NPFFR2: variants seen among roughly 807,000 people sequenced by gnomAD.
NPFFR2 encodes neuropeptide FF receptor 2.
Under a neutral mutation model 13.1 loss-of-function variants are expected in NPFFR2, and 15 were observed. The observed-to-expected ratio is 1.15, with a 90% confidence interval of 0.77 to 1.76. The LOEUF is 1.76. Ranked by LOEUF, NPFFR2 falls within the 40% of genes most tolerant of loss-of-function variation. The pLI, the probability that NPFFR2 is intolerant of heterozygous loss-of-function variation, is 0.00. For missense variants in NPFFR2, 572 were observed against 503.5 expected, an observed-to-expected ratio of 1.14 and a Z score of -1.30; for synonymous variants, 190 against 175.7, an observed-to-expected ratio of 1.08 and a Z score of -0.65.
intron 1 of NPFFR2, among the ~76,000 whole-genome samples, chr4:72,100,269 T>C (rs994667222): frequency 6.6e-5 from 10 of 152,010 alleles, no homozygotes; most frequent in Non-Finnish European, 1.3e-4. Flanking sequence ...AACTCAAGAA[T>C]TGTAAAAAAA....
chr4:72,075,970 CACACAT>C (rs1200632526), intron 1 of NPFFR2, among the ~76,000 whole-genome samples: 3 of 12,836 alleles, frequency 2.3e-4, no homozygotes, highest in South Asian at 8.3e-3. Flanking sequence ...CACACACACA[CACACAT>C]ACACACACAC....
At chr4:72,040,758 A>G (rs1719190622) in intron 1 of NPFFR2, among the ~76,000 whole-genome samples, 1 of 152,056 alleles carries the variant, frequency 6.6e-6, no homozygotes, top group South Asian at 2.1e-4. Flanking sequence ...TGGGGAGATG[A>G]CCTATAAAGT....
At chr4:72,076,013 AGAGAGAGG>A (rs1441525072) in intron 1 of NPFFR2, among the ~76,000 whole-genome samples, 14 of 8,114 alleles carry the variant, frequency 1.7e-3, no homozygotes, top group African/African-American at 3.8e-3. Context: ...ACACAGAGAG[AGAGAGAGG>A]GCAGACAGCA....
intron 1 of NPFFR2, among the ~76,000 whole-genome samples, chr4:72,066,442 A>G (rs1046947875): frequency 3.3e-5 from 5 of 152,162 alleles, no homozygotes; most frequent in Admixed American, 1.3e-4. Flanking sequence ...CCCCTAAAGT[A>G]TTAACTATTT....
chr4:72,109,560 T>G (rs760238559), intron 1 of NPFFR2, among the ~76,000 whole-genome samples: 1 of 152,002 alleles, frequency 6.6e-6, no homozygotes, highest in Non-Finnish European at 1.5e-5. Flanking sequence ...CAGTGCCTGC[T>G]CACTTCAAGA....
chr4:72,144,388 A>G (rs1293633280), intron 3 of NPFFR2, among the ~76,000 whole-genome samples: 2 of 152,218 alleles, frequency 1.3e-5, no homozygotes, highest in African/African-American at 4.8e-5. Flanking sequence ...TGAGTCATCA[A>G]TCCTTAGCCA....
chr4:72,122,065 G>A (rs6446817), intron 1 of NPFFR2, among the ~76,000 whole-genome samples: 146,559 of 152,020 alleles, frequency 0.96, 70,877 homozygotes, highest in East Asian at 1. Context: ...ATATTTACCA[G>A]GCAAATGAAA....
At chr4:72,067,113 T>C (rs976551029) in intron 1 of NPFFR2, among the ~76,000 whole-genome samples, 8 of 151,824 alleles carry the variant, frequency 5.3e-5, no homozygotes, top group Non-Finnish European at 1.2e-4. Flanking sequence ...GGAGGTGAAA[T>C]CATGCCACCA....
At chr4:72,066,066 T>C (rs917876283) in intron 1 of NPFFR2, among the ~76,000 whole-genome samples, 8 of 152,236 alleles carry the variant, frequency 5.3e-5, no homozygotes, top group Admixed American at 2.6e-4. Flanking sequence ...AAATTTGTTT[T>C]CCCATAGTTC....
intron 1 of NPFFR2, among the ~76,000 whole-genome samples, chr4:72,100,807 T>C (rs1332907807): frequency 6.6e-6 from 1 of 151,986 alleles, no homozygotes; most frequent in East Asian, 1.9e-4. Flanking sequence ...GAGCAGAGAA[T>C]TAAAATGATG....
chr4:72,106,369 T>C (rs1468105156), intron 1 of NPFFR2, among the ~76,000 whole-genome samples: 1 of 151,956 alleles, frequency 6.6e-6, no homozygotes, highest in Non-Finnish European at 1.5e-5. Context: ...GCGACACATG[T>C]GAGTGAGAGT....
intron 1 of NPFFR2, among the ~76,000 whole-genome samples, chr4:72,094,830 G>A (rs1472056733): frequency 1.3e-5 from 2 of 152,198 alleles, no homozygotes; most frequent in Non-Finnish European, 2.9e-5. Context: ...GTCTGTGGAA[G>A]TTCTCAGCTT....
At position 72,128,647 on chromosome 4, in the gene NPFFR2, T is replaced by C; in HGVS notation, c.56T>C (p.Val19Ala). ...GAAAACTGGCATCCCATCTGGAATG[T>C]CAATGACACAAAGCATCATCTGTAC... ...SSENWHPIWNVNDTKHHLYSD... is the reference protein window; with the variant it reads ...SSENWHPIWNANDTKHHLYSD... Residue 19 changes from valine to alanine, a missense_variant, in exon 2 of 4, where the codon GTC becomes GCC. Transcript: ENST00000308744. The C allele has an allele frequency of 6.2e-7, 1 of 1,613,564 alleles. No individual in the cohort carries two copies.
intron 3 of NPFFR2, among the ~76,000 whole-genome samples, chr4:72,142,212 A>G (rs1343977532): frequency 6.6e-6 from 1 of 152,074 alleles, no homozygotes; most frequent in African/African-American, 2.4e-5. Flanking sequence ...ACTCTATCCA[A>G]TTTGCCAGTC....
At chr4:72,079,988 T>C (rs1156737562) in intron 1 of NPFFR2, among the ~76,000 whole-genome samples, 1 of 152,126 alleles carries the variant, frequency 6.6e-6, no homozygotes, top group African/African-American at 2.4e-5. Flanking sequence ...GCTCCTTGGA[T>C]ATGTAATGGA....
At position 72,076,163 on chromosome 4, in the gene NPFFR2, G is replaced by A. The variant is rs938403251; in HGVS notation, c.-8+43963G>A. ...AAATGTCAAATCTAGAAAAATAATT[G>A]ATGCTATGTTATGGAGTTTTTTTTT... is the stretch of plus-strand genomic sequence containing the variant. On this transcript the variant is annotated intron_variant, in intron 1 of 3. Coordinates refer to ENST00000308744, the MANE Select transcript of NPFFR2 (RefSeq NM_004885.3). Among the ~76,000 whole-genome samples, 47 of 124,924 alleles carry A rather than the reference G, an allele frequency of 3.8e-4. 1 individual carries two copies. Among genetic ancestry groups the A allele is most frequent in the African/African-American group, 1.2e-3 (42 of 35,160 alleles). 82.0% of individuals were successfully genotyped at this position (124,924 alleles called of 152,430 possible).
intron 1 of NPFFR2, among the ~76,000 whole-genome samples, chr4:72,096,275 G>A (rs1423082208): frequency 7.9e-5 from 12 of 152,230 alleles, no homozygotes; most frequent in Admixed American, 7.2e-4. Context: ...TGAACCTAAA[G>A]CTGAATATCA....
intron 1 of NPFFR2, among the ~76,000 whole-genome samples, chr4:72,109,344 G>C (rs1299896838): frequency 6.6e-6 from 1 of 151,942 alleles, no homozygotes; most frequent in African/African-American, 2.4e-5. Flanking sequence ...CTGCTTCTAA[G>C]AGTTTCTCAT....
intron 1 of NPFFR2, among the ~76,000 whole-genome samples, chr4:72,033,858 C>G (rs1351895794): frequency 1.3e-5 from 2 of 152,080 alleles, no homozygotes; most frequent in Non-Finnish European, 2.9e-5. Context: ...TGAATGATTT[C>G]TTCCAGAAAT....
Sources: gnomAD v4.1 joint callset for allele counts (sites outside exome capture counted in the v4.1 genomes callset) on GRCh38, gnomAD v4.1.1 for gene constraint, MANE v1.5 for transcripts, NCBI Gene and HGNC (gene_info 2026-07-23, HGNC 2026-07-21) for gene names.